The following LRRIQ1 variants were observed in gnomAD, a reference collection of about 807,000 sequenced individuals.
LRRIQ1 encodes leucine-rich repeat- and IQ domain-containing protein 1.
In LRRIQ1, 210 loss-of-function variants were observed where a neutral mutation model predicts 211.9. That is an observed-to-expected ratio of 0.99 (90% CI 0.89 to 1.11). The LOEUF (loss-of-function observed/expected upper bound fraction) is 1.11. Among genes scored for constraint, LRRIQ1 ranks in the 50% most tolerant of loss-of-function variants. LRRIQ1 has a pLI of 0.00. For synonymous variants in LRRIQ1, 699 were observed against 650.1 expected, an observed-to-expected ratio of 1.08 and a Z score of -1.14; for missense variants, 2,136 against 1,939.5, an observed-to-expected ratio of 1.10 and a Z score of -1.90.
chr12:85,135,638 T>C lies in LRRIQ1; in HGVS notation c.4210-2212T>C, dbSNP rs564640934. ...TTTAGATTAATGAGGTCTCCTAGCA[T>C]TCTCCAAAGGTCACCAAAATGGGTA... On this transcript the variant is annotated intron_variant, in intron 18 of 26. Transcript: ENST00000393217. 2.6e-5 allele frequency among the ~76,000 whole-genome samples: 4 copies of C among 152,158 alleles called. No individual in the cohort carries two copies. The East Asian group carries it at 7.7e-4, about 29-fold the overall frequency.
rs115552001 is a variant in LRRIQ1 at position 85,259,801 on chromosome 12, A to G, written c.122-3114A>G. Among the ~76,000 whole-genome samples the G allele has an allele frequency of 4.4e-3, 675 of 152,260 alleles. 2 individuals carry two copies. Among genetic ancestry groups the G allele is most frequent in the African/African-American group, 0.015 (643 of 41,568 alleles). The stretch of plus-strand genomic sequence containing the variant: ...TTTGCTTAAGGAATTATACCAAGCA[A>G]TGGAAAGTTTACAAACTGTTTTTAA... On this transcript the variant is annotated intron_variant, in intron 1 of 1. Coordinates refer to the LRRIQ1 transcript ENST00000602731.
chr12:85,168,476 A>G (rs1259925891), intron 24 of LRRIQ1, among the ~76,000 whole-genome samples: 1 of 152,156 alleles, frequency 6.6e-6, no homozygotes, highest in African/African-American at 2.4e-5. Flanking sequence ...TTCCAGTTTA[A>G]TGGAATTATT....
rs768644704 is a variant in LRRIQ1, at chr12:85,098,981, A to G, written c.3196A>G (p.Ile1066Val). The change falls in exon 13 of 27, where the codon ATC becomes GTC. Residue 1066 changes from isoleucine to valine, a missense_variant. By Grantham distance (29) the Ile-to-Val change is conservative. Coordinates refer to ENST00000393217, the MANE Select transcript of LRRIQ1 (RefSeq NM_001079910.2). ...GCTGCCTTTACTACAAAATATTACT[A>G]TCTCTCAAAACAGGTAAAAGCATAC... ...YWLPLLQNITISQNSLTKIVP... is the reference protein window; with the variant it reads ...YWLPLLQNITVSQNSLTKIVP... 3.8e-6 allele frequency: 6 copies of G among 1,560,890 alleles called. No homozygotes were observed. The highest frequency in any genetic ancestry group is 1.8e-5 in the Admixed American group (1 of 54,228).
intron 25 of LRRIQ1, among the ~76,000 whole-genome samples, chr12:85,231,307 A>G (rs1187638311): frequency 1.3e-5 from 2 of 152,218 alleles, no homozygotes; most frequent in African/African-American, 2.4e-5. Context: ...TCATATGGAA[A>G]TGAAAATAAA....
rs148081032 is a variant in LRRIQ1, at chr12:85,098,957, C to A, written c.3172C>A (p.Leu1058Met). The A allele has an allele frequency of 3.2e-6, 5 of 1,571,834 alleles. No individual in the cohort carries two copies. The African/African-American group carries it at 6.8e-5, about 22-fold the overall frequency. Residue 1058 changes from leucine to methionine, a missense_variant, in exon 13 of 27, where the codon CTG becomes ATG. Transcript: ENST00000393217. ...STVEAFSSYW[L>M]PLLQNITISQ... is the part of the protein sequence containing the mutation. Reference sequence around the variant, plus strand: ...TGTGGAAGCATTTTCTTCATACTGGCTGCCTTTACTACAAAATATTACTAT... The same window carrying A: ...TGTGGAAGCATTTTCTTCATACTGGATGCCTTTACTACAAAATATTACTAT...
At chr12:85,206,919 G>A (rs761882423) in intron 24 of LRRIQ1, among the ~76,000 whole-genome samples, 12 of 152,052 alleles carry the variant, frequency 7.9e-5, no homozygotes, top group Non-Finnish European at 1.5e-4. Flanking sequence ...ATCTCCTAGC[G>A]GAGCATGGAG....
intron 11 of LRRIQ1, among the ~76,000 whole-genome samples, chr12:85,075,472 G>A (rs1460966171): frequency 1.3e-5 from 2 of 152,188 alleles, no homozygotes; most frequent in African/African-American, 4.8e-5. Context: ...AGGAGGCGAA[G>A]CTGGCGCAGG....
At chr12:85,102,953 AAAAAAAAT>A (rs1179647010) in intron 13 of LRRIQ1, among the ~76,000 whole-genome samples, 1 of 118,826 alleles carries the variant, frequency 8.4e-6, no homozygotes, top group Non-Finnish European at 1.7e-5. Context: ...GCAAAAAAAA[AAAAAAAAT>A]ATATATATAT....
At chr12:85,141,638 C>G (rs1399695705) in intron 19 of LRRIQ1, among the ~76,000 whole-genome samples, 2 of 136,220 alleles carry the variant, frequency 1.5e-5, no homozygotes, top group Non-Finnish European at 3.1e-5. Flanking sequence ...CATTCTCATT[C>G]AACTTTACTG....
chr12:85,100,114 C>T lies in LRRIQ1; in HGVS notation c.3209+1120C>T, dbSNP rs193009652. On this transcript the variant is annotated intron_variant, in intron 13 of 26. Transcript: ENST00000393217. ...AATATTCAGCTATGTTTTGGACATACGCAGTAAGTCACGGAGGAATTGAGA... is the reference window on the plus strand; with the variant it reads ...AATATTCAGCTATGTTTTGGACATATGCAGTAAGTCACGGAGGAATTGAGA... 2.4e-3 allele frequency among the ~76,000 whole-genome samples: 362 copies of T among 151,660 alleles called. 3 individuals carry two copies. The highest frequency in any genetic ancestry group is 2.9e-3 in the Admixed American group (44 of 15,180).
chr12:85,113,306 T>G (rs1887319451), intron 15 of LRRIQ1, among the ~76,000 whole-genome samples: 1 of 152,162 alleles, frequency 6.6e-6, no homozygotes, highest in Non-Finnish European at 1.5e-5. Flanking sequence ...TTTAACAGCT[T>G]GATCTGCAGT....
Position 85,137,922 on chromosome 12 carries a change from G to A in LRRIQ1, c.4282G>A (p.Asp1428Asn), listed in dbSNP as rs780129357. Residue 1428 changes from aspartate (D) to asparagine (N), a missense_variant, in exon 19 of 27, where the codon GAT becomes AAT. Coordinates refer to ENST00000393217, the MANE Select transcript of LRRIQ1 (RefSeq NM_001079910.2). ...AGAGGCTATTAAGAATGAAGAATCC[G>A]ATGAAGAATACAGAGAAATAGATTT... ...ALEAIKNEES[D>N]EEYREIDLED... 14 of 1,533,960 alleles carry A rather than the reference G, an allele frequency of 9.1e-6. No individual in the cohort carries two copies. Among genetic ancestry groups the A allele is most frequent in the East Asian group, 4.5e-5 (2 of 44,246 alleles).
Position 85,073,027 on chromosome 12 carries a change from C to A in LRRIQ1, c.2816C>A (p.Ser939Tyr). 1 of 1,612,176 alleles carries A rather than the reference C, an allele frequency of 6.2e-7. No individual in the cohort carries two copies. Among genetic ancestry groups the A allele is most frequent in the Middle Eastern group, 1.7e-4 (1 of 6,052 alleles). The change falls in exon 11 of 27, where the codon TCC becomes TAC. Residue 939 changes from serine (S) to tyrosine (Y), a missense_variant. By Grantham distance (144) the Ser-to-Tyr change is moderately radical. Transcript: ENST00000393217. ...TGGATTCCAACTGGATTATGTTGGTCCTGGATACCTATTACCTCACTTACA... is the reference window on the plus strand; with the variant it reads ...TGGATTCCAACTGGATTATGTTGGTACTGGATACCTATTACCTCACTTACA... ...QVWIPTGLCWSWIPITSLTKN... is the reference protein window; with the variant it reads ...QVWIPTGLCWYWIPITSLTKN...
intron 9 of LRRIQ1, among the ~76,000 whole-genome samples, chr12:85,065,839 C>A (rs189043160): frequency 6.6e-6 from 1 of 151,830 alleles, no homozygotes; most frequent in East Asian, 1.9e-4. Context: ...TGTCCTAAAT[C>A]ACTTACCTTA....
Position 85,056,024 on chromosome 12 carries a change from A to G in LRRIQ1, c.1231A>G (p.Ser411Gly). The change falls in exon 8 of 27, where the codon AGT (serine) becomes GGT (glycine). Residue 411 changes from serine to glycine, a missense_variant. Physicochemically the swap from Ser to Gly is moderately conservative, Grantham distance 56. Transcript: ENST00000393217. Reference protein sequence around the residue: ...KKSGYNNKHLSLEDISNDKGD... With the variant: ...KKSGYNNKHLGLEDISNDKGD... Reference sequence around the variant, plus strand: ...GAGCGGATATAATAACAAACATTTAAGTCTTGAAGATATTTCAAATGATAA... The same window carrying G: ...GAGCGGATATAATAACAAACATTTAGGTCTTGAAGATATTTCAAATGATAA... 4 of 1,602,418 alleles carry G rather than the reference A, an allele frequency of 2.5e-6. No homozygotes were observed. The highest frequency in any genetic ancestry group is 1.3e-5 in the African/African-American group (1 of 74,192).
At chr12:85,047,215 AATG>A (rs1258113205) in intron 5 of LRRIQ1, 29 bp from the exon 6 acceptor site, 4 of 1,484,930 alleles carry the variant, frequency 2.7e-6, no homozygotes, top group African/African-American at 2.8e-5. Flanking sequence ...TGATCTTACA[AATG>A]ATGATGTTAT....
chr12:85,151,442 G>A (rs1245405659), intron 19 of LRRIQ1, among the ~76,000 whole-genome samples: 1 of 151,416 alleles, frequency 6.6e-6, no homozygotes, highest in Non-Finnish European at 1.5e-5. Context: ...ATCATAAAAT[G>A]TTTGATTATT....
chr12:85,053,446 G>A (rs926109749), intron 7 of LRRIQ1, among the ~76,000 whole-genome samples: 2 of 152,058 alleles, frequency 1.3e-5, no homozygotes, highest in Non-Finnish European at 2.9e-5. Flanking sequence ...GAGGATAAAA[G>A]ACGCATTACC....
Position 85,244,816 on chromosome 12 carries a change from G to T in LRRIQ1, c.5044G>T (p.Asp1682Tyr). 6.2e-7 allele frequency: 1 copy of T among 1,611,432 alleles called. No homozygotes were observed. The highest frequency in any genetic ancestry group is 1.7e-5 in the Admixed American group (1 of 59,746). ...AAGACTTGTAAGCAGAGAAGACACG[G>T]ATTTAGACCTTTTTTCCATGACCAA... The part of the protein sequence containing the change: ...VARLVSREDT[D>Y]LDLFSMTNGS... The change falls in exon 27 of 27, where the codon GAT becomes TAT. Residue 1682 changes from aspartate (D) to tyrosine (Y), a missense_variant. By Grantham distance (160) the Asp-to-Tyr change is radical. Coordinates refer to ENST00000393217, the MANE Select transcript of LRRIQ1 (RefSeq NM_001079910.2).
Sources: allele counts gnomAD v4.1 joint callset (sites outside exome capture counted in the v4.1 genomes callset), GRCh38; gene constraint gnomAD v4.1.1; transcripts MANE v1.5; gene names NCBI Gene and HGNC (gene_info 2026-07-23, HGNC 2026-07-21).